ATP9B: variants seen among roughly 807,000 people sequenced by gnomAD.
ATP9B encodes probable phospholipid-transporting ATPase IIB.
ATP9B carries 110 observed loss-of-function variants against 146.1 expected under a neutral mutation model. The observed-to-expected ratio is 0.75, with a 90% CI of 0.65 to 0.88. ATP9B has a LOEUF of 0.88. ATP9B is among the 40% of genes least tolerant of loss of function. The pLI is 0.00. For synonymous variants in ATP9B, 604 were observed against 569.7 expected, an observed-to-expected ratio of 1.06 and a Z score of -0.86; for missense variants, 1,499 against 1,496.4, an observed-to-expected ratio of 1.00 and a Z score of -0.03.
At chr18:79,245,602 CGG>C (rs2095939910) in intron 11 of ATP9B, among the ~76,000 whole-genome samples, 1 of 138,516 alleles carries the variant, frequency 7.2e-6, no homozygotes, top group Admixed American at 7.1e-5. Context: ...AATGACTGTG[CGG>C]AGGGTACCAC....
rs1435975413 is a variant in ATP9B, at chr18:79,277,089, A to G, written c.1304A>G (p.Tyr435Cys). 1.2e-6 allele frequency: 2 copies of G among 1,614,186 alleles called. No individual in the cohort carries two copies. The highest frequency in any genetic ancestry group is 8.5e-7 in the Non-Finnish European group (1 of 1,180,040). Residue 435 changes from tyrosine to cysteine, a missense_variant, in exon 13 of 30, where the codon TAT becomes TGT. Transcript: ENST00000426216. ...RVNLDMGKAV[Y>C]GWMMMKDENI... ...AACTTGGACATGGGCAAAGCGGTGT[A>G]TGGATGGATGATGATGAAAGATGAG...
intron 17 of ATP9B, among the ~76,000 whole-genome samples, chr18:79,335,036 C>T (rs1039402077): frequency 7.9e-5 from 12 of 151,954 alleles, no homozygotes; most frequent in African/African-American, 1.9e-4. Flanking sequence ...GTGTCCTTCA[C>T]GTCACCACAA....
intron 25 of ATP9B, among the ~76,000 whole-genome samples, chr18:79,349,899 C>A (rs982238047): frequency 5.3e-5 from 8 of 151,212 alleles, no homozygotes; most frequent in African/African-American, 1.7e-4. Flanking sequence ...CCCGCACCCC[C>A]CCCCCCACCA....
chr18:79,310,887 A>G (rs906491044), intron 15 of ATP9B, among the ~76,000 whole-genome samples: 1 of 148,172 alleles, frequency 6.7e-6, no homozygotes, highest in African/African-American at 2.5e-5. Context: ...ATGGTGGGTC[A>G]TGCCTGTCAT....
chr18:79,098,309 G>A (rs1209799627), intron 2 of ATP9B, among the ~76,000 whole-genome samples: 3 of 149,226 alleles, frequency 2.0e-5, no homozygotes, highest in African/African-American at 2.5e-5. Context: ...TACCATTCAG[G>A]ACATAGGCGT....
At chr18:79,342,780 G>T (rs2096866472) in intron 20 of ATP9B, among the ~76,000 whole-genome samples, 2 of 151,958 alleles carry the variant, frequency 1.3e-5, no homozygotes, top group Non-Finnish European at 2.9e-5. Context: ...TTTTCAATTT[G>T]TAAAAATGTA....
At chr18:79,248,596 T>C (rs557497073) in intron 11 of ATP9B, among the ~76,000 whole-genome samples, 4 of 152,304 alleles carry the variant, frequency 2.6e-5, no homozygotes, top group African/African-American at 9.6e-5. Context: ...TTTCTGTACG[T>C]AGTCAGCCAT....
At chr18:79,266,968 ATT>A (rs566929109) in intron 12 of ATP9B, among the ~76,000 whole-genome samples, 26 of 151,378 alleles carry the variant, frequency 1.7e-4, no homozygotes, top group African/African-American at 5.8e-4. Flanking sequence ...TCATAAAAAT[ATT>A]TTTTTTTCTC....
chr18:79,224,886 G>C (rs764744195), intron 11 of ATP9B, among the ~76,000 whole-genome samples: 2 of 151,508 alleles, frequency 1.3e-5, no homozygotes, highest in Non-Finnish European at 2.9e-5. Flanking sequence ...CAGTGGAGAA[G>C]GAAGCCCAGG....
chr18:79,310,334 A>G (rs562522630), intron 15 of ATP9B, among the ~76,000 whole-genome samples: 81 of 152,370 alleles, frequency 5.3e-4, no homozygotes, highest in African/African-American at 1.6e-3. Context: ...ATATACAACT[A>G]TGCGTTCAGA....
intron 1 of ATP9B, chr18:79,085,931 T>A (rs1485426196): frequency 6.6e-6 from 1 of 152,250 alleles, no homozygotes; most frequent in East Asian, 1.9e-4. Flanking sequence ...CACAATTTTC[T>A]ATGAATCATA....
intron 25 of ATP9B, 65 bp downstream of exon 25, chr18:79,348,261 A>G (rs868592461): frequency 4.5e-6 from 6 of 1,338,116 alleles, no homozygotes; most frequent in Middle Eastern, 1.8e-4. Context: ...AAAAAAAAAA[A>G]AAAAAAAACA....
intron 1 of ATP9B, among the ~76,000 whole-genome samples, chr18:79,096,041 G>C (rs1391174686): frequency 1.3e-5 from 2 of 152,220 alleles, no homozygotes; most frequent in African/African-American, 4.8e-5. Flanking sequence ...ACTGTCGAAA[G>C]TCACTTCTAG....
intron 13 of ATP9B, among the ~76,000 whole-genome samples, chr18:79,297,274 A>G (rs959153693): frequency 2.0e-5 from 3 of 149,802 alleles, no homozygotes; most frequent in African/African-American, 2.5e-5. Flanking sequence ...AGACAGAGAG[A>G]TGACCCAGAG....
chr18:79,160,326 A>G (rs2094859029), intron 7 of ATP9B, among the ~76,000 whole-genome samples: 1 of 152,238 alleles, frequency 6.6e-6, no homozygotes, highest in African/African-American at 2.4e-5. Context: ...TGCTTTTGGC[A>G]ATTTTCACTA....
intron 11 of ATP9B, among the ~76,000 whole-genome samples, chr18:79,232,163 A>T (rs1010417720): frequency 2.0e-5 from 3 of 152,018 alleles, no homozygotes; most frequent in Non-Finnish European, 4.4e-5. Flanking sequence ...TTTCACTCCA[A>T]CCCCCTCTAG....
intron 11 of ATP9B, 141 bp from the exon 12 acceptor site, chr18:79,253,240 T>C (rs1241448922): frequency 1.3e-6 from 1 of 755,960 alleles, no homozygotes; most frequent in Non-Finnish European, 2.0e-6. Flanking sequence ...TCTGCCTGAA[T>C]TTTCATATTT....
chr18:79,166,612 C>T (rs895700062), intron 7 of ATP9B, among the ~76,000 whole-genome samples: 8 of 152,210 alleles, frequency 5.3e-5, no homozygotes, highest in African/African-American at 1.7e-4. Flanking sequence ...CGGGCAAAGT[C>T]GTGAAATCCC....
chr18:79,281,203 T>A (rs1184242474), intron 13 of ATP9B, among the ~76,000 whole-genome samples: 1 of 151,978 alleles, frequency 6.6e-6, no homozygotes, highest in East Asian at 1.9e-4. Flanking sequence ...TTTTAAAAAG[T>A]AAGAAAAGGT....
Sources: allele counts gnomAD v4.1 joint callset (sites outside exome capture counted in the v4.1 genomes callset), GRCh38; gene constraint gnomAD v4.1.1; transcripts MANE v1.5; gene names NCBI Gene and HGNC (gene_info 2026-07-23, HGNC 2026-07-21).